FBN1: variants seen among roughly 807,000 people sequenced by gnomAD.
The protein encoded by FBN1 is fibrillin 1, also known as fibrillin-1.
Under a neutral mutation model 365.1 loss-of-function variants are expected in FBN1, and 29 were observed. The ratio of observed to expected loss-of-function variants is 0.08; its 90% CI spans 0.06 to 0.11. The LOEUF (loss-of-function observed/expected upper bound fraction) is 0.11, where lower values mean the gene tolerates loss of function less well. FBN1 is among the 10% of genes least tolerant of loss of function. The pLI, the probability that FBN1 is intolerant of heterozygous loss-of-function variation, is 1.00. For missense variants in FBN1, 2,476 were observed against 3,703.2 expected, an observed-to-expected ratio of 0.67 and a Z score of 8.60; for synonymous variants, 1,210 against 1,270.5, an observed-to-expected ratio of 0.95 and a Z score of 1.01.
rs1259826800 is a variant in FBN1 at position 48,498,980 on chromosome 15, C to T, written c.2167+5G>A. The T allele has an allele frequency of 6.2e-7, 1 of 1,614,122 alleles. No homozygotes were observed. The highest frequency in any genetic ancestry group is 1.1e-5 in the South Asian group (1 of 91,074). ...AAGGTAGTAAATTTTGAAAGGAATCCTTACCACTGCCTGCTGACGTCATTC... is the reference window on the plus strand; with the variant it reads ...AAGGTAGTAAATTTTGAAAGGAATCTTTACCACTGCCTGCTGACGTCATTC... On this transcript the variant is annotated splice_donor_5th_base_variant and intron_variant, in intron 18 of 65. Transcript: ENST00000316623.
At position 48,411,363 on chromosome 15, in the gene FBN1, T is replaced by C. The variant is rs1463355359; in HGVS notation, c.8243A>G (p.Glu2748Gly). 1.2e-6 allele frequency: 2 copies of C among 1,614,086 alleles called. No individual in the cohort carries two copies. The highest frequency in any genetic ancestry group is 3.3e-5 in the Admixed American group (2 of 60,030). ...CCAACTTGCAAGACTCACATTGGCT[T>C]CTGTCTCAGACTGATCCTGGAAAGA... The part of the protein sequence containing the change: ...ASNIEDQSET[E>G]ANVSLASWDV... The change falls in exon 66 of 66, where the codon GAA (glutamate) becomes GGA (glycine). Residue 2748 changes from glutamate to glycine, a missense_variant. Around this residue, in one of 5 missense-constraint regions of FBN1, gnomAD observed 177 missense variants for 192.7 expected, o/e 0.92. Coordinates refer to ENST00000316623, the MANE Select transcript of FBN1 (RefSeq NM_000138.5).
chr15:48,449,799 G>A (rs1426715), intron 45 of FBN1, among the ~76,000 whole-genome samples: 6,234 of 152,208 alleles, frequency 0.041, 191 homozygotes, highest in East Asian at 0.083. Flanking sequence ...ATGGCATTTC[G>A]CTCTTAGTTA....
rs1443461517 is a variant in FBN1 at position 48,449,616 on chromosome 15, TA to T, written c.5546-724del. ...ATCTGATTATCTGAGGGGCAGAATT[TA>T]ATGCATGAATTCACATATGACATAA... On this transcript the variant is annotated intron_variant, in intron 45 of 65. Coordinates refer to ENST00000316623, the MANE Select transcript of FBN1 (RefSeq NM_000138.5). 3.3e-5 allele frequency among the ~76,000 whole-genome samples: 5 copies of T among 152,350 alleles called. No homozygotes were observed. The East Asian group carries it at 9.6e-4, about 29-fold the overall frequency.
intron 42 of FBN1, among the ~76,000 whole-genome samples, chr15:48,461,751 A>G (rs1566902941): frequency 6.6e-6 from 1 of 152,214 alleles, no homozygotes; most frequent in Non-Finnish European, 1.5e-5. Flanking sequence ...ACAGTCAGTC[A>G]AAACTATTTA....
chr15:48,470,896 C>G (rs2043368988), intron 35 of FBN1, 140 bp from the exon 36 acceptor site: 1 of 969,472 alleles, frequency 1.0e-6, no homozygotes, highest in Non-Finnish European at 1.6e-6. Flanking sequence ...CTCCTATAGA[C>G]TTTTAGATGA....
chr15:48,414,281 C>G (rs777197661), intron 64 of FBN1, among the ~76,000 whole-genome samples: 1 of 152,144 alleles, frequency 6.6e-6, no homozygotes, highest in Non-Finnish European at 1.5e-5. Context: ...TGTGTGCTTC[C>G]CACGAAACAT....
intron 50 of FBN1, among the ~76,000 whole-genome samples, chr15:48,439,323 C>T (rs987106773): frequency 4.6e-5 from 7 of 152,328 alleles, no homozygotes; most frequent in African/African-American, 4.8e-5. Flanking sequence ...GTGGCAAGGA[C>T]CTGGCAAGCA....
At chr15:48,568,052 G>GAAAGAAAGAAAGAAA (rs2044273339) in intron 6 of FBN1, among the ~76,000 whole-genome samples, 2 of 46,418 alleles carry the variant, frequency 4.3e-5, no homozygotes, top group East Asian at 6.5e-4. Flanking sequence ...AAAGAAAGAA[G>GAAAGAAAGAAAGAAA]AAAGAAAGAA....
intron 51 of FBN1, 29 bp from the exon 52 acceptor site, chr15:48,437,416 G>T: frequency 1.3e-6 from 2 of 1,553,668 alleles, no homozygotes; most frequent in South Asian, 1.1e-5. Context: ...TTAATAGATA[G>T]AACAATAGCA....
chr15:48,609,338 G>A (rs571498110), intron 4 of FBN1, among the ~76,000 whole-genome samples: 3 of 152,348 alleles, frequency 2.0e-5, no homozygotes, highest in Admixed American at 1.3e-4. Flanking sequence ...GTAACTGGCT[G>A]TATTTAGTAA....
rs117568416 is a variant in FBN1, at chr15:48,500,950, T to C, written c.2114-1912A>G. Among the ~76,000 whole-genome samples, 13 of 152,340 alleles carry C rather than the reference T, an allele frequency of 8.5e-5. No homozygotes were observed. The East Asian group carries it at 1.7e-3, about 20-fold the overall frequency. On this transcript the variant is annotated intron_variant, in intron 17 of 65. Transcript: ENST00000316623. Reference sequence around the variant, plus strand: ...CATTCCTTTTGAATATTTTCAGTACTTTAAACAGCCTACCCCCCATTCTTG... The same window carrying C: ...CATTCCTTTTGAATATTTTCAGTACCTTAAACAGCCTACCCCCCATTCTTG...
At position 48,444,777 on chromosome 15, in the gene FBN1, C is replaced by A. The variant is rs1044081588; in HGVS notation, c.5918-117G>T. The A allele has an allele frequency of 1.9e-5, 21 of 1,126,362 alleles. No homozygotes were observed. In the South Asian group the frequency reaches 2.8e-4, roughly 15 times the overall value. The allele number at this position is 1,126,362 out of a possible 1,614,324, so 69.8% of individuals were successfully genotyped here. On this transcript the variant is annotated intron_variant, in intron 48 of 65. Transcript: ENST00000316623. ...GAAATACATAAAGCAAATTAAAGTT[C>A]ATAAAATTCCACCATGGAGAAAAAT...
In FBN1 at chr15:48,414,678, C is replaced by A. The variant is rs140403503; in HGVS notation, c.8051+858G>T. ...TTGGGAGGTCAAGACGGGCAGATCA[C>A]GAGGTCCGGAGATCGAGACCATCCT... On this transcript the variant is annotated intron_variant, in intron 64 of 65. Transcript: ENST00000316623. 7.1e-3 allele frequency among the ~76,000 whole-genome samples: 1,087 copies of A among 152,186 alleles called. 16 individuals are homozygous for A. The highest frequency in any genetic ancestry group is 0.025 in the African/African-American group (1,046 of 41,528).
At chr15:48,528,188 CTTA>C (rs1266248877) in intron 8 of FBN1, among the ~76,000 whole-genome samples, 1 of 152,192 alleles carries the variant, frequency 6.6e-6, no homozygotes, top group African/African-American at 2.4e-5. Context: ...AGCTACCATT[CTTA>C]TTAAGGCCAC....
At chr15:48,491,653 C>CT (rs35563865) in intron 24 of FBN1, among the ~76,000 whole-genome samples, 19,650 of 152,208 alleles carry the variant, frequency 0.13, 1,318 homozygotes, top group Non-Finnish European at 0.14. Context: ...ACCCGGCCCA[C>CT]TTTTTTAACT....
Position 48,481,797 on chromosome 15 carries a change from C to A in FBN1, c.3839-17G>T, listed in dbSNP as rs1163367520. 2 of 1,598,296 alleles carry A rather than the reference C, an allele frequency of 1.3e-6. No homozygotes were observed. Among genetic ancestry groups the A allele is most frequent in the Non-Finnish European group, 1.7e-6 (2 of 1,165,756 alleles). On this transcript the variant is annotated splice_polypyrimidine_tract_variant and intron_variant, in intron 31 of 65. Coordinates refer to ENST00000316623, the MANE Select transcript of FBN1 (RefSeq NM_000138.5). ...CATTGACATCTGTAAAACATATATACTATTAATATATGTAGCTATTTGATA... is the reference window on the plus strand; with the variant it reads ...CATTGACATCTGTAAAACATATATAATATTAATATATGTAGCTATTTGATA...
At chr15:48,553,168 T>A (rs768925508) in intron 6 of FBN1, among the ~76,000 whole-genome samples, 1 of 152,230 alleles carries the variant, frequency 6.6e-6, no homozygotes, top group African/African-American at 2.4e-5. Flanking sequence ...CTTTCTCTAT[T>A]CTATTTTTTA....
intron 15 of FBN1, among the ~76,000 whole-genome samples, chr15:48,507,168 T>C (rs2043716468): frequency 6.6e-6 from 1 of 152,158 alleles, no homozygotes; most frequent in Non-Finnish European, 1.5e-5. Context: ...TGAATCTTAG[T>C]GTGCTCTGTG....
chr15:48,415,409 G>C, intron 64 of FBN1, 127 bp downstream of exon 64: 1 of 777,262 alleles, frequency 1.3e-6, no homozygotes, highest in East Asian at 2.7e-5. Flanking sequence ...AAGCTAACTG[G>C]AATTAATTTT....
Sources: gnomAD v4.1 joint callset for allele counts (sites outside exome capture counted in the v4.1 genomes callset) on GRCh38, gnomAD v4.1.1 for gene constraint, gnomAD v4.1.1 regional missense constraint, MANE v1.5 for transcripts, NCBI Gene and HGNC (gene_info 2026-07-23, HGNC 2026-07-21) for gene names.